LEMD3: variants seen among roughly 807,000 people sequenced by gnomAD.
The protein encoded by LEMD3 is LEM domain containing 3.
Under a neutral mutation model 95.2 loss-of-function variants are expected in LEMD3, and 33 were observed. That is an observed-to-expected ratio of 0.35 (90% confidence interval 0.26 to 0.46). The LOEUF is 0.46. Ranked by LOEUF, LEMD3 falls within the 20% of genes least tolerant of loss-of-function variation. LEMD3 has a pLI of 1.00. For missense variants in LEMD3, 1,210 were observed against 1,192.8 expected (o/e 1.01, Z -0.21); for synonymous variants, 525 against 474.6 (o/e 1.11, Z -1.38).
rs34697632 is a variant in LEMD3 at position 65,244,283 on chromosome 12, A to ACCC, written c.2387+815_2387+816insCCC. 2.7e-4 allele frequency among the ~76,000 whole-genome samples: 34 copies of ACCC among 125,824 alleles called. 2 individuals carry two copies. The highest frequency in any genetic ancestry group is 1.2e-3 in the East Asian group (5 of 4,062). The allele number at this position is 125,824 out of a possible 152,430, so 82.5% of individuals were successfully genotyped here. A position where few individuals can be genotyped will look rare whatever the true frequency, so the allele number is the denominator to read the frequency against. ...TGGGCACGCGCACACACACACACAC[A>ACCC]CACCCCCCCCACACACACAGAGACA... On this transcript the variant is annotated intron_variant, in intron 10 of 12. Coordinates refer to ENST00000308330, the MANE Select transcript of LEMD3 (RefSeq NM_014319.5).
chr12:65,179,260 C>A (rs1183382892), intron 1 of LEMD3, among the ~76,000 whole-genome samples: 1 of 151,936 alleles, frequency 6.6e-6, no homozygotes, highest in Non-Finnish European at 1.5e-5. Flanking sequence ...CATATTTTCC[C>A]TTTATACTCA....
At chr12:65,230,981 C>T (rs1740863084) in intron 4 of LEMD3, among the ~76,000 whole-genome samples, 1 of 152,114 alleles carries the variant, frequency 6.6e-6, no homozygotes, top group South Asian at 2.1e-4. Context: ...GCTTTTTCTG[C>T]AGTGAACTCT....
chr12:65,235,710 T>C (rs1870753364), intron 4 of LEMD3, among the ~76,000 whole-genome samples: 1 of 152,138 alleles, frequency 6.6e-6, no homozygotes, highest in African/African-American at 2.4e-5. Flanking sequence ...TTGGTATCCA[T>C]GGGGCATCCT....
chr12:65,206,433 A>G (rs1276219232), intron 1 of LEMD3, among the ~76,000 whole-genome samples: 1 of 152,100 alleles, frequency 6.6e-6, no homozygotes, highest in African/African-American at 2.4e-5. Context: ...GCTTATATAT[A>G]TTTATTTTTA....
chr12:65,191,191 C>G (rs1045173752), intron 1 of LEMD3, among the ~76,000 whole-genome samples: 1 of 151,934 alleles, frequency 6.6e-6, no homozygotes, highest in African/African-American at 2.4e-5. Context: ...AGAGTCTCTT[C>G]CATGAATCTC....
At chr12:65,188,067 A>C (rs2136322832) in intron 1 of LEMD3, among the ~76,000 whole-genome samples, 1 of 152,208 alleles carries the variant, frequency 6.6e-6, no homozygotes, top group African/African-American at 2.4e-5. Flanking sequence ...AATTTTATGA[A>C]TCAAGTTTTT....
At position 65,240,693 on chromosome 12, in the gene LEMD3, GC is replaced by G. The variant is rs1171958081; in HGVS notation, c.2127-215del. The G allele has an allele frequency of 6.9e-6, 4 of 579,950 alleles. No homozygotes were observed. The Admixed American group carries it at 1.2e-4, about 18-fold the overall frequency. 35.9% of individuals were successfully genotyped at this position (579,950 alleles called of 1,614,324 possible). A position where few individuals can be genotyped will look rare whatever the true frequency, so the allele number is the denominator to read the frequency against. ...CCTAGCAACACATAAAGCCAGTGGA[GC>G]TTTTGGGGAAAAAAAATACAGATGT... On this transcript the variant is annotated intron_variant, in intron 8 of 12. Coordinates refer to ENST00000308330, the MANE Select transcript of LEMD3 (RefSeq NM_014319.5).
intron 1 of LEMD3, chr12:65,171,640 A>G (rs935683080): frequency 6.0e-6 from 1 of 167,556 alleles, no homozygotes; most frequent in African/African-American, 2.4e-5. Flanking sequence ...GTGAATGAAT[A>G]TAAAAAAGCA....
intron 1 of LEMD3, among the ~76,000 whole-genome samples, chr12:65,209,060 A>G (rs1168494730): frequency 3.3e-5 from 5 of 152,156 alleles, no homozygotes; most frequent in African/African-American, 9.6e-5. Flanking sequence ...CACAAAGTGA[A>G]ATAAAGAAGA....
At chr12:65,175,103 G>A (rs1868673863) in intron 1 of LEMD3, among the ~76,000 whole-genome samples, 1 of 152,142 alleles carries the variant, frequency 6.6e-6, no homozygotes, top group African/African-American at 2.4e-5. Context: ...GAATGAAGGG[G>A]AAAATGGCAT....
intron 9 of LEMD3, among the ~76,000 whole-genome samples, chr12:65,242,043 G>A (rs561886801): frequency 6.6e-6 from 1 of 152,278 alleles, no homozygotes; most frequent in South Asian, 2.1e-4. Flanking sequence ...TTAAAAAAAT[G>A]ATGCTTTCAT....
At chr12:65,171,432 C>T in intron 1 of LEMD3, 1 of 354,926 alleles carries the variant, frequency 2.8e-6, no homozygotes, top group Non-Finnish European at 5.4e-6. Flanking sequence ...AGACTATTTG[C>T]GCAGATGCCA....
At chr12:65,227,360 A>G (rs1870482005) in intron 4 of LEMD3, among the ~76,000 whole-genome samples, 1 of 152,124 alleles carries the variant, frequency 6.6e-6, no homozygotes. Context: ...GATCTGTGTT[A>G]TGATTGGTCA....
At chr12:65,236,238 GA>G (rs1870769082) in intron 4 of LEMD3, among the ~76,000 whole-genome samples, 1 of 152,078 alleles carries the variant, frequency 6.6e-6, no homozygotes. Context: ...TCTGTTTTTA[GA>G]AATTCATTTT....
chr12:65,246,106 T>C, intron 12 of LEMD3, 56 bp from the exon 13 acceptor site: 1 of 1,423,452 alleles, frequency 7.0e-7, no homozygotes, highest in Non-Finnish European at 9.8e-7. Flanking sequence ...CAGTTAATTT[T>C]CTGCAAATAT....
In LEMD3 at chr12:65,241,081, G is replaced by T; in HGVS notation, c.2299G>T (p.Gly767Cys). ...AGTTATACCTTCTAAAGTATGGCAA[G>T]GTCAAGGTATGTATTTTTAAACATC... ...ILVIPSKVWQGQAFHLDRRNS... is the reference protein window; with the variant it reads ...ILVIPSKVWQCQAFHLDRRNS... The change falls in exon 9 of 13, where the codon GGT (glycine) becomes TGT (cysteine). Residue 767 changes from glycine to cysteine, a missense_variant. Coordinates refer to ENST00000308330, the MANE Select transcript of LEMD3 (RefSeq NM_014319.5). The T allele has an allele frequency of 6.2e-7, 1 of 1,613,212 alleles. No individual in the cohort carries two copies. The highest frequency in any genetic ancestry group is 2.2e-5 in the East Asian group (1 of 44,846).
intron 1 of LEMD3, among the ~76,000 whole-genome samples, chr12:65,184,733 T>C (rs998665457): frequency 1.3e-5 from 2 of 152,152 alleles, no homozygotes; most frequent in Non-Finnish European, 2.9e-5. Flanking sequence ...TTAAGAGTTT[T>C]ATGAGGTAGG....
At chr12:65,191,217 C>G (rs887046181) in intron 1 of LEMD3, among the ~76,000 whole-genome samples, 4 of 152,040 alleles carry the variant, frequency 2.6e-5, no homozygotes, top group African/African-American at 9.6e-5. Context: ...AGACGAAACA[C>G]TTTAGGATTA....
intron 4 of LEMD3, among the ~76,000 whole-genome samples, chr12:65,229,758 A>G (rs1001667522): frequency 4.6e-5 from 7 of 152,122 alleles, no homozygotes; most frequent in African/African-American, 1.7e-4. Flanking sequence ...TGTCAGATGA[A>G]TAGTTTGCAA....
Sources: allele counts gnomAD v4.1 joint callset (sites outside exome capture counted in the v4.1 genomes callset), GRCh38; gene constraint gnomAD v4.1.1; transcripts MANE v1.5; gene names NCBI Gene and HGNC (gene_info 2026-07-23, HGNC 2026-07-21).